QTMAN: variants seen among roughly 807,000 people sequenced by gnomAD.
QTMAN encodes the protein tRNA-queuosine alpha-mannosyltransferase.
the QTMAN span, among the ~76,000 whole-genome samples, chr2:144,200,964 T>G: frequency 6.6e-6 from 1 of 152,188 alleles, no homozygotes; most frequent in African/African-American, 2.4e-5. Flanking sequence ...TTTCAAACTC[T>G]AATAACTCAT....
the QTMAN span, among the ~76,000 whole-genome samples, chr2:144,193,967 C>T: frequency 3.9e-5 from 6 of 152,248 alleles, no homozygotes; most frequent in East Asian, 9.7e-4. Flanking sequence ...CCTATCAAAC[C>T]ACCTATATCT....
the QTMAN span, among the ~76,000 whole-genome samples, chr2:144,001,916 C>T: frequency 2.6e-5 from 4 of 151,884 alleles, no homozygotes; most frequent in Non-Finnish European, 4.4e-5. Context: ...TATTTACCTA[C>T]GTCACATCGA....
At chr2:144,155,462 C>T in the QTMAN span, among the ~76,000 whole-genome samples, 2 of 152,268 alleles carry the variant, frequency 1.3e-5, no homozygotes, top group East Asian at 3.9e-4. Flanking sequence ...TATAATTCAT[C>T]TCATGATTAA....
At chr2:144,092,177 C>CTT in the QTMAN span, among the ~76,000 whole-genome samples, 5 of 143,400 alleles carry the variant, frequency 3.5e-5, no homozygotes, top group Non-Finnish European at 3.1e-5. Flanking sequence ...AATTGTACAT[C>CTT]TTTTTTTTTT....
chr2:144,297,719 T>C, the QTMAN span, among the ~76,000 whole-genome samples: 1 of 151,572 alleles, frequency 6.6e-6, no homozygotes, highest in Non-Finnish European at 1.5e-5. Context: ...TAGCTGGGAC[T>C]ACAGGTGCGT....
At chr2:144,125,766 G>A in the QTMAN span, among the ~76,000 whole-genome samples, 3 of 151,974 alleles carry the variant, frequency 2.0e-5, no homozygotes, top group Non-Finnish European at 2.9e-5. Flanking sequence ...CATGAAACAT[G>A]CTACAAAGAT....
At chr2:144,037,990 A>C in the QTMAN span, among the ~76,000 whole-genome samples, 1 of 152,334 alleles carries the variant, frequency 6.6e-6, no homozygotes, top group African/African-American at 2.4e-5. Context: ...TCTGCCACTT[A>C]TTGTGTGACT....
At chr2:144,301,876 A>C in the QTMAN span, among the ~76,000 whole-genome samples, 2 of 152,218 alleles carry the variant, frequency 1.3e-5, no homozygotes, top group Admixed American at 1.3e-4. Context: ...TGGGTCCTCA[A>C]GAAATATTTT....
chr2:144,331,144 G>C, the QTMAN span, among the ~76,000 whole-genome samples: 1 of 152,162 alleles, frequency 6.6e-6, no homozygotes, highest in Admixed American at 6.5e-5. Context: ...ATTAAATACA[G>C]TACAGGACCC....
the QTMAN span, among the ~76,000 whole-genome samples, chr2:144,326,630 A>G: frequency 2.0e-5 from 3 of 151,740 alleles, no homozygotes; most frequent in Non-Finnish European, 2.9e-5. Flanking sequence ...AGTACTAACG[A>G]TGGCAATGAA....
chr2:144,019,476 G>GTGTGTGTGTGTGTA, the QTMAN span, among the ~76,000 whole-genome samples: 1 of 140,760 alleles, frequency 7.1e-6, no homozygotes, highest in Admixed American at 7.0e-5. Context: ...GTGTGTGTGT[G>GTGTGTGTGTGTGTA]TGTGTGTATG....
chr2:144,001,000 A>G, the QTMAN span, among the ~76,000 whole-genome samples: 1 of 152,102 alleles, frequency 6.6e-6, no homozygotes, highest in African/African-American at 2.4e-5. Flanking sequence ...TTATAAGGTA[A>G]TGACCAGTAA....
At chr2:144,208,888 T>A in the QTMAN span, 1 of 713,286 alleles carries the variant, frequency 1.4e-6, no homozygotes, top group Non-Finnish European at 2.2e-6. Context: ...AATTTCATAC[T>A]CAGAAAATAC....
the QTMAN span, chr2:144,317,410 G>GAAGGAAGGAAGA: frequency 6.6e-6 from 1 of 151,558 alleles, no homozygotes. Flanking sequence ...AGGAAGGAAG[G>GAAGGAAGGAAGA]AAGGAAGGAA....
chr2:143,972,870 T>C, the QTMAN span, among the ~76,000 whole-genome samples: 6 of 152,210 alleles, frequency 3.9e-5, no homozygotes, highest in African/African-American at 4.8e-5. Context: ...TTATTTTATT[T>C]TAAACAAAGT....
At chr2:144,147,263 TAAAAA>T in the QTMAN span, among the ~76,000 whole-genome samples, 1 of 145,406 alleles carries the variant, frequency 6.9e-6, no homozygotes, top group Non-Finnish European at 1.5e-5. Context: ...TCTTTAAGGT[TAAAAA>T]AAAAAAATCT....
the QTMAN span, among the ~76,000 whole-genome samples, chr2:144,051,394 G>C: frequency 6.6e-6 from 1 of 151,968 alleles, no homozygotes; most frequent in Non-Finnish European, 1.5e-5. Flanking sequence ...AAATAAGCCA[G>C]GTATGGTTGT....
chr2:144,329,868 C>T, the QTMAN span, among the ~76,000 whole-genome samples: 1 of 152,194 alleles, frequency 6.6e-6, no homozygotes, highest in Admixed American at 6.5e-5. Context: ...AGATCATAAG[C>T]ATTTAAAGAG....
At chr2:143,948,709 A>G in the QTMAN span, among the ~76,000 whole-genome samples, 4 of 152,184 alleles carry the variant, frequency 2.6e-5, no homozygotes, top group Non-Finnish European at 4.4e-5. Flanking sequence ...GTAAATTCAC[A>G]TAATATAATA....
Sources: allele counts gnomAD v4.1 joint callset (sites outside exome capture counted in the v4.1 genomes callset), GRCh38; gene constraint gnomAD v4.1.1; transcripts MANE v1.5; gene names NCBI Gene and HGNC (gene_info 2026-07-23, HGNC 2026-07-21).